The following EIPR1 variants were observed in gnomAD, a reference collection of about 807,000 sequenced individuals.
EIPR1 encodes EARP and GARP complex-interacting protein 1.
EIPR1 carries 25 observed loss-of-function variants against 48.1 expected under a neutral mutation model. The observed-to-expected ratio is 0.52, with a 90% confidence interval of 0.38 to 0.73. The LOEUF (loss-of-function observed/expected upper bound fraction) is 0.73. EIPR1 is among the 30% of genes least tolerant of loss of function. The probability of loss-of-function intolerance (pLI) is 0.00; values close to 1 mark genes in which losing one functional copy is unlikely to be tolerated. For synonymous variants in EIPR1, 204 were observed against 201.9 expected (o/e 1.01, Z -0.09); for missense variants, 415 against 506.2 (o/e 0.82, Z 1.73).
At chr2:3,217,453 G>A (rs780773840) in intron 4 of EIPR1, among the ~76,000 whole-genome samples, 3 of 152,060 alleles carry the variant, frequency 2.0e-5, no homozygotes, top group African/African-American at 7.2e-5. Context: ...TAGGTACTTC[G>A]TAAAACTCAA....
intron 1 of EIPR1, among the ~76,000 whole-genome samples, chr2:3,373,609 A>G (rs1237878089): frequency 6.6e-5 from 10 of 151,886 alleles, no homozygotes; most frequent in African/African-American, 9.7e-5. Flanking sequence ...GCCAAATCAT[A>G]AGTGAACTCC....
At position 3,330,215 on chromosome 2, in the gene EIPR1, T is replaced by C. The variant is rs543102337; in HGVS notation, c.259+7802A>G. ...CTCAATACGTATAACCTCAGCTAAA[T>C]GCAGGAGTTAGTTTCACTCTGCAAA... On this transcript the variant is annotated intron_variant, in intron 3 of 8. Coordinates refer to ENST00000382125, the MANE Select transcript of EIPR1 (RefSeq NM_003310.5). Among the ~76,000 whole-genome samples, 4 of 152,368 alleles carry C rather than the reference T, an allele frequency of 2.6e-5. No individual in the cohort carries two copies. The South Asian group carries it at 8.3e-4, about 32-fold the overall frequency.
intron 3 of EIPR1, among the ~76,000 whole-genome samples, chr2:3,313,046 G>T (rs1346085042): frequency 1.3e-5 from 2 of 152,182 alleles, no homozygotes; most frequent in African/African-American, 4.8e-5. Context: ...TACAAGAAAG[G>T]TACAGGACGT....
At chr2:3,253,973 GT>G (rs1667079403) in intron 4 of EIPR1, among the ~76,000 whole-genome samples, 1 of 152,154 alleles carries the variant, frequency 6.6e-6, no homozygotes, top group Non-Finnish European at 1.5e-5. Context: ...TGGTAGCGAC[GT>G]GAGTGTGGGG....
chr2:3,376,493 C>G (rs1411285391), intron 1 of EIPR1, among the ~76,000 whole-genome samples: 1 of 152,128 alleles, frequency 6.6e-6, no homozygotes, highest in Non-Finnish European at 1.5e-5. Context: ...GAGTTCAAAA[C>G]CAGCCAGGCC....
At chr2:3,197,124 T>TAATTACTGA in intron 5 of EIPR1, 107 bp from the exon 6 acceptor site, 1 of 1,253,714 alleles carries the variant, frequency 8.0e-7, no homozygotes, top group South Asian at 1.6e-5. Context: ...TTATTGAAAA[T>TAATTACTGA]AATTACTGAG....
intron 3 of EIPR1, among the ~76,000 whole-genome samples, chr2:3,288,683 C>G (rs1454909984): frequency 6.6e-6 from 1 of 152,186 alleles, no homozygotes; most frequent in Non-Finnish European, 1.5e-5. Context: ...GTGAAGATCC[C>G]GAGACAAGCC....
chr2:3,277,663 T>C (rs1572388181), intron 3 of EIPR1, among the ~76,000 whole-genome samples: 1 of 152,226 alleles, frequency 6.6e-6, no homozygotes, highest in East Asian at 1.9e-4. Context: ...AACGCCCACC[T>C]GCTACTCTAA....
rs561121620 is a variant in EIPR1, at chr2:3,309,127, G to A, written c.259+28890C>T. ...TGAGCTTCTTAAACCATATTTGATG[G>A]TTGGCGAAAAAATTACACCACCACA... On this transcript the variant is annotated intron_variant, in intron 3 of 8. Coordinates refer to ENST00000382125, the MANE Select transcript of EIPR1 (RefSeq NM_003310.5). Among the ~76,000 whole-genome samples the A allele has an allele frequency of 1.6e-4, 24 of 152,300 alleles. 1 individual carries two copies. The highest frequency in any genetic ancestry group is 1.5e-3 in the South Asian group (7 of 4,824).
intron 4 of EIPR1, among the ~76,000 whole-genome samples, chr2:3,225,175 G>A (rs1666020218): frequency 6.6e-6 from 1 of 151,872 alleles, no homozygotes; most frequent in Non-Finnish European, 1.5e-5. Context: ...TTATTGAAGT[G>A]TCCTTGACAA....
intron 3 of EIPR1, among the ~76,000 whole-genome samples, chr2:3,283,945 A>T (rs957418595): frequency 1.8e-5 from 2 of 109,112 alleles, no homozygotes; most frequent in Non-Finnish European, 3.8e-5. Context: ...GACTACATCT[A>T]AAAAAAAAAA....
intron 1 of EIPR1, among the ~76,000 whole-genome samples, chr2:3,356,827 T>G (rs1327336791): frequency 6.6e-6 from 1 of 152,206 alleles, no homozygotes; most frequent in Non-Finnish European, 1.5e-5. Context: ...TAAGGCCAAT[T>G]CACCCTGACT....
chr2:3,340,100 C>G (rs1250489629), intron 2 of EIPR1, among the ~76,000 whole-genome samples: 1 of 152,244 alleles, frequency 6.6e-6, no homozygotes, highest in African/African-American at 2.4e-5. Flanking sequence ...TCCTGAACAG[C>G]TCCAGAAATG....
At chr2:3,355,010 G>T (rs1202902900) in intron 1 of EIPR1, among the ~76,000 whole-genome samples, 2 of 152,230 alleles carry the variant, frequency 1.3e-5, no homozygotes, top group Non-Finnish European at 2.9e-5. Context: ...TAGCAGAGTA[G>T]GGGGTTTAAA....
intron 4 of EIPR1, among the ~76,000 whole-genome samples, chr2:3,225,220 ATATGTGTGTGTGTG>A (rs1666022576): frequency 3.3e-5 from 3 of 90,376 alleles, no homozygotes; most frequent in African/African-American, 7.3e-5. Context: ...GTACACTGTG[ATATGTGTGTGTGTG>A]TGTGTGTGTG....
intron 1 of EIPR1, among the ~76,000 whole-genome samples, chr2:3,375,515 CA>C (rs1164452900): frequency 6.6e-6 from 1 of 152,094 alleles, no homozygotes; most frequent in Non-Finnish European, 1.5e-5. Context: ...AATTAAGTAG[CA>C]CTGGCAGAGT....
intron 4 of EIPR1, among the ~76,000 whole-genome samples, chr2:3,247,122 C>T (rs1666859055): frequency 6.8e-6 from 1 of 147,874 alleles, no homozygotes. Flanking sequence ...CTGCCACTGT[C>T]ATTCACTTCA....
chr2:3,316,513 T>C (rs1276538997), intron 3 of EIPR1, among the ~76,000 whole-genome samples: 1 of 152,166 alleles, frequency 6.6e-6, no homozygotes, highest in Non-Finnish European at 1.5e-5. Context: ...CAGGCAGCCA[T>C]TATACCTGAT....
intron 2 of EIPR1, among the ~76,000 whole-genome samples, chr2:3,347,666 G>A (rs1452426654): frequency 6.6e-6 from 1 of 152,218 alleles, no homozygotes; most frequent in Non-Finnish European, 1.5e-5. Context: ...ATATCAGAGA[G>A]CACTTTGTAT....
Sources: allele counts gnomAD v4.1 joint callset (sites outside exome capture counted in the v4.1 genomes callset), GRCh38; gene constraint gnomAD v4.1.1; transcripts MANE v1.5; gene names NCBI Gene and HGNC (gene_info 2026-07-23, HGNC 2026-07-21).